The following MRAS variants were observed in gnomAD, a reference collection of about 807,000 sequenced individuals.
MRAS encodes ras-related protein M-Ras.
Under a neutral mutation model 20.9 loss-of-function variants are expected in MRAS, and 4 were observed. The observed-to-expected ratio is 0.19, with a 90% CI of 0.09 to 0.44. The LOEUF is 0.44. Ranked by LOEUF, MRAS falls within the 20% of genes least tolerant of loss-of-function variation. MRAS has a pLI of 0.99. For synonymous variants in MRAS, 98 were observed against 102.9 expected, an observed-to-expected ratio of 0.95 and a Z score of 0.29; for missense variants, 154 against 277.5, an observed-to-expected ratio of 0.56 and a Z score of 3.16.
At chr3:138,368,304 G>T (rs907339695) in intron 1 of MRAS, among the ~76,000 whole-genome samples, 1 of 152,156 alleles carries the variant, frequency 6.6e-6, no homozygotes, top group African/African-American at 2.4e-5. Context: ...GTGTGAGTGT[G>T]TATATGTGTG....
intron 1 of MRAS, among the ~76,000 whole-genome samples, chr3:138,365,732 G>A (rs539507125): frequency 6.6e-6 from 1 of 152,296 alleles, no homozygotes; most frequent in African/African-American, 2.4e-5. Flanking sequence ...GTTAGATCTG[G>A]GGCAGCAAAC....
intron 2 of MRAS, among the ~76,000 whole-genome samples, chr3:138,374,788 G>C (rs1223441332): frequency 6.6e-6 from 1 of 152,196 alleles, no homozygotes; most frequent in Non-Finnish European, 1.5e-5. Context: ...TATCAGGCAT[G>C]GATGTTGGAT....
intron 2 of MRAS, among the ~76,000 whole-genome samples, chr3:138,379,344 A>C (rs2054851232): frequency 6.6e-6 from 1 of 150,630 alleles, no homozygotes; most frequent in Non-Finnish European, 1.5e-5. Flanking sequence ...TGTTGCTGCA[A>C]ATGACAGAAT....
intron 4 of MRAS, among the ~76,000 whole-genome samples, chr3:138,399,491 T>C (rs946918176): frequency 2.0e-4 from 31 of 152,178 alleles, no homozygotes; most frequent in African/African-American, 7.5e-4. Flanking sequence ...CTGGTTTGTG[T>C]TCTGGGCAAT....
rs1342952249 is a variant in MRAS, at chr3:138,355,110, T to C, written c.-19+6343T>C. Among the ~76,000 whole-genome samples, 5 of 152,146 alleles carry C rather than the reference T, an allele frequency of 3.3e-5. No homozygotes were observed. In the East Asian group the frequency reaches 7.7e-4, roughly 23 times the overall value. ...ACAAAATACATTATATACTCTAAAG[T>C]ATAGGATTACTTTAAGAGAAGGAAA... On this transcript the variant is annotated intron_variant, in intron 1 of 5. Transcript: ENST00000423968.
chr3:138,383,939 AT>A (rs1199091174), intron 2 of MRAS, among the ~76,000 whole-genome samples: 1 of 152,170 alleles, frequency 6.6e-6, no homozygotes, highest in African/African-American at 2.4e-5. Flanking sequence ...GGCTTTCCTG[AT>A]AAGGGAATGT....
At chr3:138,350,364 G>A (rs1476820806) in intron 1 of MRAS, 1 of 152,274 alleles carries the variant, frequency 6.6e-6, no homozygotes, top group East Asian at 1.9e-4. Flanking sequence ...GCTTCTCTCT[G>A]TAGTTTATGG....
intron 1 of MRAS, among the ~76,000 whole-genome samples, chr3:138,370,189 G>A (rs1369875500): frequency 6.6e-6 from 1 of 152,112 alleles, no homozygotes; most frequent in Non-Finnish European, 1.5e-5. Flanking sequence ...CATGGTGGTG[G>A]GCGCCTGTAA....
intron 2 of MRAS, among the ~76,000 whole-genome samples, chr3:138,375,378 A>T (rs897275168): frequency 1.5e-4 from 23 of 152,188 alleles, no homozygotes; most frequent in African/African-American, 4.8e-4. Flanking sequence ...TATCAGAGTA[A>T]TGTTGGCCTC....
chr3:138,395,829 C>T (rs1371789654), intron 2 of MRAS, among the ~76,000 whole-genome samples: 1 of 152,216 alleles, frequency 6.6e-6, no homozygotes, highest in Non-Finnish European at 1.5e-5. Flanking sequence ...AGCAGGCACT[C>T]AGACATTCCT....
chr3:138,373,114 G>A, intron 2 of MRAS, 38 bp downstream of exon 2: 2 of 1,393,028 alleles, frequency 1.4e-6, no homozygotes, highest in Non-Finnish European at 1.9e-6. Flanking sequence ...GGGTGGGATA[G>A]TAGATGGGGA....
At chr3:138,351,318 G>C (rs78371063) in intron 1 of MRAS, among the ~76,000 whole-genome samples, 5,016 of 152,296 alleles carry the variant, frequency 0.033, 278 homozygotes, top group African/African-American at 0.11. Flanking sequence ...CTTGTGCAAT[G>C]CTGGAATGTT....
intron 2 of MRAS, among the ~76,000 whole-genome samples, chr3:138,384,366 G>T (rs1435859877): frequency 6.6e-6 from 1 of 152,176 alleles, no homozygotes; most frequent in Admixed American, 6.5e-5. Flanking sequence ...CTGATGATGG[G>T]CTTGGGCATT....
rs780405384 is a variant in MRAS, at chr3:138,402,363, C to A, written c.*94C>A. On this transcript the variant is annotated 3_prime_UTR_variant, in exon 6 of 6. Coordinates refer to ENST00000423968, the MANE Select transcript of MRAS (RefSeq NM_001085049.3). ...CACTGAAACCATTTCTAACCACAACCCTTGGCCCAAGGACTTGGTACAGGA... is the reference window on the plus strand; with the variant it reads ...CACTGAAACCATTTCTAACCACAACACTTGGCCCAAGGACTTGGTACAGGA... 396 of 1,098,806 alleles carry A rather than the reference C, an allele frequency of 3.6e-4. No individual in the cohort carries two copies. Among genetic ancestry groups the A allele is most frequent in the Non-Finnish European group, 5.1e-4 (379 of 745,414 alleles). The allele number at this position is 1,098,806 out of a possible 1,614,324, so 68.1% of individuals were successfully genotyped here. A position where few individuals can be genotyped will look rare whatever the true frequency, so the allele number is the denominator to read the frequency against.
intron 2 of MRAS, among the ~76,000 whole-genome samples, chr3:138,376,699 A>T (rs1320196331): frequency 6.6e-6 from 1 of 152,228 alleles, no homozygotes; most frequent in African/African-American, 2.4e-5. Flanking sequence ...TATATGGCAC[A>T]CTTTGGGATA....
At chr3:138,394,028 T>C (rs1215539862) in intron 2 of MRAS, among the ~76,000 whole-genome samples, 1 of 152,078 alleles carries the variant, frequency 6.6e-6, no homozygotes. Context: ...CCACCCACAC[T>C]TCAACCAAAT....
chr3:138,358,999 A>G (rs1310507303), intron 1 of MRAS, among the ~76,000 whole-genome samples: 1 of 152,144 alleles, frequency 6.6e-6, no homozygotes, highest in Non-Finnish European at 1.5e-5. Flanking sequence ...GGCCAAGGTT[A>G]TACAGCTAGC....
At chr3:138,379,715 A>C (rs988411690) in intron 2 of MRAS, among the ~76,000 whole-genome samples, 4 of 152,136 alleles carry the variant, frequency 2.6e-5, no homozygotes, top group African/African-American at 9.7e-5. Context: ...CATTTTCTTT[A>C]TCATTCATTC....
At chr3:138,401,567 G>A (rs1251329646) in intron 5 of MRAS, among the ~76,000 whole-genome samples, 1 of 152,194 alleles carries the variant, frequency 6.6e-6, no homozygotes, top group Non-Finnish European at 1.5e-5. Context: ...GAGGCAAGAG[G>A]ATTGCTTGAG....
Sources: allele counts gnomAD v4.1 joint callset (sites outside exome capture counted in the v4.1 genomes callset), GRCh38; gene constraint gnomAD v4.1.1; transcripts MANE v1.5; gene names NCBI Gene and HGNC (gene_info 2026-07-23, HGNC 2026-07-21).